The following ERC2 variants were observed in gnomAD, a reference collection of about 807,000 sequenced individuals.
ERC2 encodes ERC protein 2.
Under a neutral mutation model 114.8 loss-of-function variants are expected in ERC2, and 42 were observed. The observed-to-expected ratio is 0.37, with a 90% CI of 0.29 to 0.47. The LOEUF (loss-of-function observed/expected upper bound fraction) is 0.47, where lower values mean the gene tolerates loss of function less well. Ranked by LOEUF, ERC2 falls within the 20% of genes least tolerant of loss-of-function variation. The pLI, the probability that ERC2 is intolerant of heterozygous loss-of-function variation, is 0.99. For missense variants in ERC2, 939 were observed against 1,150.7 expected, an observed-to-expected ratio of 0.82 and a Z score of 2.66; for synonymous variants, 454 against 425.5, an observed-to-expected ratio of 1.07 and a Z score of -0.82.
intron 11 of ERC2, among the ~76,000 whole-genome samples, chr3:55,988,471 A>C (rs2070804302): frequency 6.6e-6 from 1 of 152,242 alleles, no homozygotes; most frequent in East Asian, 1.9e-4. Flanking sequence ...ATGGAATTTA[A>C]GAGGTAAATG....
intron 2 of ERC2, among the ~76,000 whole-genome samples, chr3:56,402,451 A>G (rs2060555413): frequency 6.6e-6 from 1 of 152,084 alleles, no homozygotes; most frequent in Admixed American, 6.6e-5. Context: ...CTAGTCTTCT[A>G]TCTGGTCCTG....
chr3:56,467,364 T>G (rs1246621591), intron 1 of ERC2, among the ~76,000 whole-genome samples: 1 of 152,130 alleles, frequency 6.6e-6, no homozygotes, highest in African/African-American at 2.4e-5. Flanking sequence ...CAAAGGCAGG[T>G]AGCCGCCTAA....
intron 17 of ERC2, among the ~76,000 whole-genome samples, chr3:55,522,208 C>A (rs1372903375): frequency 6.6e-6 from 1 of 152,060 alleles, no homozygotes; most frequent in Non-Finnish European, 1.5e-5. Flanking sequence ...GGGAGGGGAC[C>A]ATTTTTGGTA....
chr3:56,377,800 T>G lies in ERC2; in HGVS notation c.657+56551A>C, dbSNP rs148342459. Among the ~76,000 whole-genome samples, 113 of 152,128 alleles carry G rather than the reference T, an allele frequency of 7.4e-4. No individual in the cohort carries two copies. The East Asian group carries it at 0.016, about 21-fold the overall frequency. On this transcript the variant is annotated intron_variant, in intron 2 of 17. Coordinates refer to ENST00000288221, the MANE Select transcript of ERC2 (RefSeq NM_015576.3). ...CGGGAAGCTGTGGCAGGAGAACCAC[T>G]TGAGCCCAGTAGTTCCAATTCAGCC...
intron 2 of ERC2, among the ~76,000 whole-genome samples, chr3:56,365,676 C>T (rs970073010): frequency 6.6e-6 from 1 of 152,206 alleles, no homozygotes; most frequent in African/African-American, 2.4e-5. Flanking sequence ...TCATGACACA[C>T]AGAAATTATA....
intron 2 of ERC2, among the ~76,000 whole-genome samples, chr3:56,414,723 T>TAAAAA (rs1261619010): frequency 7.7e-6 from 1 of 130,208 alleles, no homozygotes; most frequent in African/African-American, 3.2e-5. Flanking sequence ...AGACTCTGTC[T>TAAAAA]CAAAAAAAAA....
intron 2 of ERC2, among the ~76,000 whole-genome samples, chr3:56,326,899 A>C (rs751750763): frequency 6.6e-6 from 1 of 152,212 alleles, no homozygotes; most frequent in Non-Finnish European, 1.5e-5. Context: ...TCTTTCTCTG[A>C]AACTGGATTT....
chr3:56,139,726 A>G (rs1285523388), intron 5 of ERC2, 50 bp from the exon 6 acceptor site: 6 of 1,530,818 alleles, frequency 3.9e-6, no homozygotes, highest in Non-Finnish European at 5.3e-6. Context: ...CTGCCCCTAC[A>G]CTTTACATTG....
intron 3 of ERC2, among the ~76,000 whole-genome samples, chr3:56,178,789 G>A (rs767585379): frequency 9.9e-5 from 15 of 151,854 alleles, no homozygotes; most frequent in South Asian, 2.1e-4. Context: ...GAAAAGGCAC[G>A]ATAATTTTAA....
At chr3:56,034,171 G>A (rs2074647605) in intron 7 of ERC2, among the ~76,000 whole-genome samples, 2 of 152,044 alleles carry the variant, frequency 1.3e-5, no homozygotes, top group East Asian at 3.9e-4. Context: ...AAAGAATAGG[G>A]GTGACTATAC....
intron 17 of ERC2, chr3:55,610,479 C>T (rs2058856163): frequency 6.6e-6 from 1 of 151,014 alleles, no homozygotes; most frequent in Admixed American, 6.7e-5. Context: ...GCCTGCGCAA[C>T]ATAGTGAAAT....
intron 3 of ERC2, among the ~76,000 whole-genome samples, chr3:56,212,926 G>A (rs899716044): frequency 6.6e-6 from 1 of 152,150 alleles, no homozygotes; most frequent in Non-Finnish European, 1.5e-5. Context: ...AGCAACTCAG[G>A]AATGGAAAAA....
intron 17 of ERC2, among the ~76,000 whole-genome samples, chr3:55,636,127 C>G (rs940529260): frequency 6.6e-6 from 1 of 151,008 alleles, no homozygotes; most frequent in African/African-American, 2.4e-5. Flanking sequence ...CCGCCCACCT[C>G]GGCCTCCCAA....
intron 15 of ERC2, among the ~76,000 whole-genome samples, chr3:55,717,486 G>C (rs1322722618): frequency 3.9e-5 from 6 of 152,112 alleles, no homozygotes; most frequent in Admixed American, 3.9e-4. Context: ...ATGCCTCTCT[G>C]GGGTCCAGGG....
chr3:56,366,773 G>A (rs752103123), intron 2 of ERC2, among the ~76,000 whole-genome samples: 2 of 152,172 alleles, frequency 1.3e-5, no homozygotes, highest in Non-Finnish European at 2.9e-5. Context: ...GTCTAAGCCG[G>A]CTTTACAGAC....
intron 7 of ERC2, among the ~76,000 whole-genome samples, chr3:56,072,719 C>G (rs914142359): frequency 6.6e-6 from 1 of 152,002 alleles, no homozygotes; most frequent in African/African-American, 2.4e-5. Flanking sequence ...TTTTTATTTT[C>G]AGTCAGGAAA....
intron 4 of ERC2, among the ~76,000 whole-genome samples, chr3:56,150,674 T>C (rs1229326826): frequency 6.6e-6 from 1 of 152,194 alleles, no homozygotes; most frequent in Non-Finnish European, 1.5e-5. Flanking sequence ...AATCCTACTG[T>C]CTAGAAATAA....
chr3:55,517,897 T>C (rs1312805389), intron 17 of ERC2, among the ~76,000 whole-genome samples: 1 of 152,260 alleles, frequency 6.6e-6, no homozygotes, highest in African/African-American at 2.4e-5. Flanking sequence ...ATGTATTTGA[T>C]TGTTTTTCCT....
chr3:55,701,597 G>C (rs543747108), intron 15 of ERC2, among the ~76,000 whole-genome samples: 1 of 152,244 alleles, frequency 6.6e-6, no homozygotes, highest in African/African-American at 2.4e-5. Flanking sequence ...GAGGGAAAGA[G>C]CCACTTAAAA....
Sources: allele counts gnomAD v4.1 joint callset (sites outside exome capture counted in the v4.1 genomes callset), GRCh38; gene constraint gnomAD v4.1.1; transcripts MANE v1.5; gene names NCBI Gene and HGNC (gene_info 2026-07-23, HGNC 2026-07-21).